ARHGAP10: variants seen among roughly 807,000 people sequenced by gnomAD.
The protein encoded by ARHGAP10 is Rho GTPase activating protein 10.
In ARHGAP10, 87 loss-of-function variants were observed where a neutral mutation model predicts 108.6. The observed-to-expected ratio is 0.80, with a 90% CI of 0.67 to 0.96. The LOEUF (loss-of-function observed/expected upper bound fraction) is 0.96, where lower values mean the gene tolerates loss of function less well. Among genes scored for constraint, ARHGAP10 ranks in the 40% least tolerant of loss-of-function variants. The pLI is 0.00. For missense variants in ARHGAP10, 939 were observed against 954.5 expected (o/e 0.98, Z 0.21); for synonymous variants, 347 against 341.1 (o/e 1.02, Z -0.19).
chr4:147,899,388 G>C (rs1238639490), intron 10 of ARHGAP10, among the ~76,000 whole-genome samples: 2 of 151,786 alleles, frequency 1.3e-5, no homozygotes, highest in African/African-American at 4.8e-5. Flanking sequence ...CCAGGGAGTG[G>C]CTTGTCACTC....
At chr4:147,937,840 GT>G (rs980594816) in intron 13 of ARHGAP10, among the ~76,000 whole-genome samples, 1 of 152,218 alleles carries the variant, frequency 6.6e-6, no homozygotes, top group African/African-American at 2.4e-5. Context: ...TTAGCTGGGT[GT>G]GGTGGCATAT....
At chr4:147,915,022 T>C (rs1434865893) in intron 13 of ARHGAP10, among the ~76,000 whole-genome samples, 1 of 152,216 alleles carries the variant, frequency 6.6e-6, no homozygotes, top group Non-Finnish European at 1.5e-5. Context: ...TTCACTCTCA[T>C]ATATTCTGTA....
chr4:147,872,137 G>T (rs1371158819), intron 7 of ARHGAP10, among the ~76,000 whole-genome samples: 1 of 150,546 alleles, frequency 6.6e-6, no homozygotes, highest in Non-Finnish European at 1.5e-5. Flanking sequence ...CATTCCCAGT[G>T]CAGAAAATAA....
At chr4:147,775,279 C>T (rs893380133) in intron 1 of ARHGAP10, among the ~76,000 whole-genome samples, 1 of 152,210 alleles carries the variant, frequency 6.6e-6, no homozygotes, top group African/African-American at 2.4e-5. Flanking sequence ...CATCCCTCCT[C>T]CTGGCCAGTC....
Position 147,951,173 on chromosome 4 carries a change from T to C in ARHGAP10, c.1392-4143T>C, listed in dbSNP as rs145616013. The stretch of plus-strand genomic sequence containing the variant: ...TGATATAAGTAACTTGTAGAAGATA[T>C]TCAGATACAAATTCATTTTTATTGG... On this transcript the variant is annotated intron_variant, in intron 15 of 22. Transcript: ENST00000336498. Among the ~76,000 whole-genome samples, 678 of 152,294 alleles carry C rather than the reference T, an allele frequency of 4.5e-3. 3 individuals are homozygous for C. Among genetic ancestry groups the C allele is most frequent in the South Asian group, 0.027 (128 of 4,826 alleles).
intron 18 of ARHGAP10, among the ~76,000 whole-genome samples, chr4:148,004,564 C>CAACCACGTGAACTGTCTGTGGAGAG (rs1253150715): frequency 7.2e-4 from 109 of 152,194 alleles, no homozygotes; most frequent in Non-Finnish European, 1.3e-3. Flanking sequence ...TGGAAGTAAT[C>CAACCACGTGAACTGTCTGTGGAGAG]AACCACGTGA....
chr4:147,822,724 T>G lies in ARHGAP10; in HGVS notation c.155-3T>G. The G allele has an allele frequency of 6.2e-7, 1 of 1,613,814 alleles. No individual in the cohort carries two copies. ...CAAGTCATCATTATACTTTTCTTTC[T>G]AGGTCTGTCAGTGGCCCAGCGGAAG... On this transcript the variant is annotated splice_polypyrimidine_tract_variant and splice_region_variant and intron_variant, in intron 1 of 22. Transcript: ENST00000336498.
chr4:147,755,311 C>T (rs1047663449), intron 1 of ARHGAP10, among the ~76,000 whole-genome samples: 1 of 152,074 alleles, frequency 6.6e-6, no homozygotes, highest in African/African-American at 2.4e-5. Flanking sequence ...TCAGTCTGGG[C>T]GTTCTGTGTT....
intron 1 of ARHGAP10, among the ~76,000 whole-genome samples, chr4:147,778,652 A>G (rs1730406631): frequency 6.6e-6 from 1 of 152,182 alleles, no homozygotes; most frequent in Non-Finnish European, 1.5e-5. Flanking sequence ...AAAATGTCCT[A>G]TTCCTGCCTG....
Position 148,036,066 on chromosome 4 carries a change from CTGTG to C in ARHGAP10, c.1868-10790_1868-10787del, listed in dbSNP as rs61692055. Among the ~76,000 whole-genome samples the C allele has an allele frequency of 7.3e-3, 1,039 of 142,830 alleles. 3 individuals carry two copies. Among genetic ancestry groups the C allele is most frequent in the African/African-American group, 0.017 (645 of 38,908 alleles). The allele number at this position is 142,830 out of a possible 152,430, so 93.7% of individuals were successfully genotyped here. A position where few individuals can be genotyped will look rare whatever the true frequency, so the allele number is the denominator to read the frequency against. ...AATTTGTTTAATAAAGGAGCTGCCT[CTGTG>C]TGTGTGTGTGTGTGTGTGTGTGTGT... is the stretch of plus-strand genomic sequence containing the variant. On this transcript the variant is annotated intron_variant, in intron 19 of 22. Transcript: ENST00000336498.
chr4:147,919,913 T>C (rs1737166537), intron 13 of ARHGAP10, among the ~76,000 whole-genome samples: 1 of 152,104 alleles, frequency 6.6e-6, no homozygotes, highest in Admixed American at 6.5e-5. Context: ...TCATACCCTG[T>C]CAGCCTGACT....
intron 8 of ARHGAP10, among the ~76,000 whole-genome samples, chr4:147,877,096 T>C (rs777024757): frequency 6.6e-6 from 1 of 152,192 alleles, no homozygotes; most frequent in African/African-American, 2.4e-5. Flanking sequence ...GTGGCTTAAG[T>C]AGTGGAAAGA....
chr4:147,808,671 G>C (rs1326009894), intron 1 of ARHGAP10, among the ~76,000 whole-genome samples: 7 of 152,092 alleles, frequency 4.6e-5, no homozygotes, highest in Non-Finnish European at 1.5e-5. Context: ...TTAAGGGAAA[G>C]GCAGGAATCA....
intron 18 of ARHGAP10, among the ~76,000 whole-genome samples, chr4:147,991,299 C>T (rs919635737): frequency 2.0e-5 from 3 of 152,230 alleles, no homozygotes; most frequent in Non-Finnish European, 4.4e-5. Flanking sequence ...TAGTTGCACT[C>T]ACAGTTAGAT....
intron 1 of ARHGAP10, among the ~76,000 whole-genome samples, chr4:147,744,816 A>G (rs1330779189): frequency 6.6e-6 from 1 of 151,998 alleles, no homozygotes; most frequent in East Asian, 1.9e-4. Context: ...TGTTTCTTTT[A>G]TGGGTGTGTA....
chr4:148,069,073 G>A (rs910258549), intron 22 of ARHGAP10, among the ~76,000 whole-genome samples: 3 of 152,154 alleles, frequency 2.0e-5, no homozygotes, highest in South Asian at 2.1e-4. Flanking sequence ...CCTGTTGTCC[G>A]CGTAGACACT....
rs1729603982 is a variant in ARHGAP10 at position 148,061,171 on chromosome 4, G to T, written c.2028-1977G>T. On this transcript the variant is annotated intron_variant, in intron 20 of 22. Transcript: ENST00000336498. ...AAATTTATGCTCTTTATTTTTCAAGGGCCACATAAGTGTAGTCACATAGTT... is the reference window on the plus strand; with the variant it reads ...AAATTTATGCTCTTTATTTTTCAAGTGCCACATAAGTGTAGTCACATAGTT... Among the ~76,000 whole-genome samples, 3 of 151,772 alleles carry T rather than the reference G, an allele frequency of 2.0e-5. No individual in the cohort carries two copies. The South Asian group carries it at 6.3e-4, about 32-fold the overall frequency.
chr4:147,754,513 AG>A, intron 1 of ARHGAP10, among the ~76,000 whole-genome samples: 1 of 152,354 alleles, frequency 6.6e-6, no homozygotes, highest in East Asian at 1.9e-4. Flanking sequence ...CCAGATAGAA[AG>A]AAAAGCTCAG....
intron 19 of ARHGAP10, among the ~76,000 whole-genome samples, chr4:148,036,401 C>T (rs539825375): frequency 8.5e-5 from 13 of 152,268 alleles, no homozygotes; most frequent in African/African-American, 3.1e-4. Flanking sequence ...ATAATCCCCA[C>T]GTGTCGTGGG....
Sources: allele counts gnomAD v4.1 joint callset (sites outside exome capture counted in the v4.1 genomes callset), GRCh38; gene constraint gnomAD v4.1.1; transcripts MANE v1.5; gene names NCBI Gene and HGNC (gene_info 2026-07-23, HGNC 2026-07-21).